ERBB4: variants seen among roughly 807,000 people sequenced by gnomAD.
ERBB4 encodes erb-b2 receptor tyrosine kinase 4.
ERBB4 carries 42 observed loss-of-function variants against 158.0 expected under a neutral mutation model. The observed-to-expected ratio is 0.27, with a 90% CI of 0.21 to 0.34. The LOEUF is 0.34. ERBB4 is among the 10% of genes least tolerant of loss of function. The probability of loss-of-function intolerance (pLI) is 1.00; values close to 1 mark genes in which losing one functional copy is unlikely to be tolerated. For synonymous variants in ERBB4, 583 were observed against 558.7 expected (o/e 1.04, Z -0.61); for missense variants, 1,333 against 1,624.1 (o/e 0.82, Z 3.08).
At chr2:212,490,937 GT>G (rs1271843305) in intron 1 of ERBB4, among the ~76,000 whole-genome samples, 1 of 151,612 alleles carries the variant, frequency 6.6e-6, no homozygotes, top group Non-Finnish European at 1.5e-5. Flanking sequence ...TAGTATTTTT[GT>G]TTTGAAATCA....
intron 1 of ERBB4, among the ~76,000 whole-genome samples, chr2:212,502,226 C>T (rs1316408337): frequency 6.6e-6 from 1 of 151,916 alleles, no homozygotes. Flanking sequence ...AAAAACTGCT[C>T]TGGTGTTGAA....
intron 1 of ERBB4, among the ~76,000 whole-genome samples, chr2:212,371,084 G>T (rs892486170): frequency 6.6e-6 from 1 of 152,124 alleles, no homozygotes; most frequent in African/African-American, 2.4e-5. Flanking sequence ...CTCAGTGAAA[G>T]CCTGTTTCTT....
chr2:211,499,362 A>C (rs1214158513), intron 20 of ERBB4, among the ~76,000 whole-genome samples: 2 of 151,894 alleles, frequency 1.3e-5, no homozygotes, highest in Non-Finnish European at 2.9e-5. Context: ...ATCTCTACTA[A>C]AATACAAAAA....
At chr2:211,396,606 T>C (rs2062924935) in intron 25 of ERBB4, among the ~76,000 whole-genome samples, 1 of 152,178 alleles carries the variant, frequency 6.6e-6, no homozygotes, top group South Asian at 2.1e-4. Context: ...GGTTTGTGTA[T>C]TGGAGGATGG....
intron 1 of ERBB4, among the ~76,000 whole-genome samples, chr2:212,433,754 A>G (rs1289020659): frequency 1.3e-5 from 2 of 152,008 alleles, no homozygotes; most frequent in Non-Finnish European, 2.9e-5. Context: ...TTCTATAGTA[A>G]ATCAACAGAA....
At chr2:211,790,030 A>G (rs1049239571) in intron 3 of ERBB4, among the ~76,000 whole-genome samples, 1 of 152,140 alleles carries the variant, frequency 6.6e-6, no homozygotes, top group African/African-American at 2.4e-5. Flanking sequence ...TTCTACTTCT[A>G]AAACCCAGTT....
chr2:211,843,850 G>A (rs2077531817), intron 3 of ERBB4, among the ~76,000 whole-genome samples: 2 of 151,996 alleles, frequency 1.3e-5, no homozygotes, highest in African/African-American at 4.8e-5. Context: ...AATCTAAGCA[G>A]GTTTGACAAT....
At chr2:212,300,229 C>G (rs1385304361) in intron 1 of ERBB4, among the ~76,000 whole-genome samples, 1 of 151,506 alleles carries the variant, frequency 6.6e-6, no homozygotes, top group Non-Finnish European at 1.5e-5. Flanking sequence ...TAACACTGTA[C>G]CCTTCTGCTG....
At chr2:211,655,444 C>T (rs2071175395) in intron 16 of ERBB4, among the ~76,000 whole-genome samples, 1 of 152,060 alleles carries the variant, frequency 6.6e-6, no homozygotes. Flanking sequence ...ATTAGTATTC[C>T]CATTTTATGC....
chr2:212,190,435 G>A (rs1441922857), intron 1 of ERBB4, among the ~76,000 whole-genome samples: 1 of 152,034 alleles, frequency 6.6e-6, no homozygotes, highest in Non-Finnish European at 1.5e-5. Flanking sequence ...TACTCGGGAG[G>A]CTGAGGCAGG....
intron 22 of ERBB4, 31 bp from the exon 23 acceptor site, chr2:211,424,332 A>C: frequency 6.4e-7 from 1 of 1,564,400 alleles, no homozygotes; most frequent in Non-Finnish European, 8.8e-7. Flanking sequence ...TTACTTAAGC[A>C]TATTAACAAC....
At chr2:212,428,502 G>T (rs1363094806) in intron 1 of ERBB4, among the ~76,000 whole-genome samples, 1 of 144,986 alleles carries the variant, frequency 6.9e-6, no homozygotes, top group African/African-American at 2.5e-5. Flanking sequence ...AATGATAGTT[G>T]TCCAGGACTG....
chr2:211,817,356 G>T (rs1029824816), intron 3 of ERBB4, among the ~76,000 whole-genome samples: 3 of 152,190 alleles, frequency 2.0e-5, no homozygotes, highest in African/African-American at 7.2e-5. Context: ...TAAAGGGGTT[G>T]TCGTAGACAG....
intron 1 of ERBB4, among the ~76,000 whole-genome samples, chr2:212,290,811 G>C (rs991041427): frequency 1.3e-5 from 2 of 151,970 alleles, no homozygotes; most frequent in African/African-American, 4.8e-5. Flanking sequence ...ATACCATGCA[G>C]TAGGCATTAT....
chr2:211,704,785 T>A (rs931473459), intron 10 of ERBB4, among the ~76,000 whole-genome samples: 6 of 152,200 alleles, frequency 3.9e-5, no homozygotes, highest in African/African-American at 1.4e-4. Context: ...AGAGTCGTAA[T>A]GTCAAACTTT....
At chr2:211,641,902 A>T (rs1165356883) in intron 16 of ERBB4, among the ~76,000 whole-genome samples, 1 of 146,716 alleles carries the variant, frequency 6.8e-6, no homozygotes, top group Non-Finnish European at 1.5e-5. Context: ...AGTAAATTAT[A>T]AGCCCCATGA....
rs559497249 is a variant in ERBB4, at chr2:211,804,085, C to T, written c.422-15926G>A. Among the ~76,000 whole-genome samples the T allele has an allele frequency of 9.9e-5, 15 of 152,266 alleles. No homozygotes were observed. In the South Asian group the frequency reaches 2.9e-3, roughly 29 times the overall value. On this transcript the variant is annotated intron_variant, in intron 3 of 27. Coordinates refer to ENST00000342788, the MANE Select transcript of ERBB4 (RefSeq NM_005235.3). ...CATGTCACCCCAGAATATCACACTT[C>T]CACTGCTGAATATTTACTTCCACGT...
chr2:211,874,062 G>C (rs1412716237), intron 3 of ERBB4, among the ~76,000 whole-genome samples: 1 of 152,112 alleles, frequency 6.6e-6, no homozygotes, highest in East Asian at 1.9e-4. Flanking sequence ...CTACTTGGGA[G>C]GCTTAGGCGA....
intron 25 of ERBB4, among the ~76,000 whole-genome samples, chr2:211,400,013 C>A (rs2062999807): frequency 1.3e-5 from 2 of 152,090 alleles, no homozygotes; most frequent in African/African-American, 4.8e-5. Context: ...ATAATCATGG[C>A]TAAATGCTAC....
Sources: allele counts gnomAD v4.1 joint callset (sites outside exome capture counted in the v4.1 genomes callset), GRCh38; gene constraint gnomAD v4.1.1; transcripts MANE v1.5; gene names NCBI Gene and HGNC (gene_info 2026-07-23, HGNC 2026-07-21).